ZZEF1: variants seen among roughly 807,000 people sequenced by gnomAD.
ZZEF1 encodes the protein zinc finger ZZ-type and EF-hand domain containing 1, also known as zinc finger ZZ-type and EF-hand domain-containing protein 1.
Under a neutral mutation model 342.8 loss-of-function variants are expected in ZZEF1, and 157 were observed. That is an observed-to-expected ratio of 0.46 (90% CI 0.40 to 0.52). The LOEUF (loss-of-function observed/expected upper bound fraction) is 0.52, where lower values mean the gene tolerates loss of function less well. Ranked by LOEUF, ZZEF1 falls within the 20% of genes least tolerant of loss-of-function variation. The pLI is 0.00. For synonymous variants in ZZEF1, 1,505 were observed against 1,429.1 expected (o/e 1.05, Z -1.20); for missense variants, 3,480 against 3,725.6 (o/e 0.93, Z 1.72).
chr17:4,064,372 G>C lies in ZZEF1; in HGVS notation c.4707C>G (p.Leu1569=), dbSNP rs896102676. The part of the protein sequence containing the change: ...DVMDFIKDQS[L]SHRSVVKVLS... ...AACAACGGGCTTACCTCCTGTGCGAGAGCGACTGATCCTTAATGAAGTCCA... is the reference window on the plus strand; with the variant it reads ...AACAACGGGCTTACCTCCTGTGCGACAGCGACTGATCCTTAATGAAGTCCA... Residue 1569 remains leucine, a synonymous_variant, in exon 29 of 55, where the codon CTC becomes CTG. Coordinates refer to ENST00000381638, the MANE Select transcript of ZZEF1 (RefSeq NM_015113.4). 1.3e-6 allele frequency: 2 copies of C among 1,587,932 alleles called. No homozygotes were observed. Among genetic ancestry groups the C allele is most frequent in the African/African-American group, 2.7e-5 (2 of 74,568 alleles).
In ZZEF1 at chr17:4,104,777, G is replaced by A; in HGVS notation, c.1429C>T (p.Leu477=). 1 of 1,614,094 alleles carries A rather than the reference G, an allele frequency of 6.2e-7. No homozygotes were observed. Among genetic ancestry groups the A allele is most frequent in the Non-Finnish European group, 8.5e-7 (1 of 1,179,982 alleles). The change falls in exon 8 of 55, where the codon CTG becomes TTG. Residue 477 remains leucine (L), a synonymous_variant. Transcript: ENST00000381638. ...CTTCCTCTTGCGAGAGCAAAAGCCA[G>A]AAGAGTCAGTTCTACCTCTGGGGTA... The part of the protein sequence containing the change: ...CSTPEVELTL[L]AFALARGSVA...
chr17:4,114,014 C>G (rs1210123685), intron 4 of ZZEF1, among the ~76,000 whole-genome samples: 1 of 151,924 alleles, frequency 6.6e-6, no homozygotes, highest in African/African-American at 2.4e-5. Flanking sequence ...AAAATACAGT[C>G]ACATGTAAGT....
At chr17:4,062,983 C>G in intron 29 of ZZEF1, 66 bp from the exon 30 acceptor site, 1 of 1,506,720 alleles carries the variant, frequency 6.6e-7, no homozygotes, top group African/African-American at 1.4e-5. Flanking sequence ...GGAAAATATC[C>G]CCGCCAAAGC....
At chr17:4,010,304 T>C (rs936988463) in intron 52 of ZZEF1, among the ~76,000 whole-genome samples, 2 of 151,374 alleles carry the variant, frequency 1.3e-5, no homozygotes, top group African/African-American at 4.9e-5. Context: ...CAGTGAGCCA[T>C]GAGTGCACCA....
chr17:4,025,194 G>C, intron 42 of ZZEF1, 76 bp from the exon 43 acceptor site: 1 of 1,379,196 alleles, frequency 7.3e-7, no homozygotes, highest in Non-Finnish European at 1.0e-6. Context: ...TTCTTCTATA[G>C]TAACATGCCT....
chr17:4,078,209 C>A (rs981791285), intron 18 of ZZEF1, among the ~76,000 whole-genome samples, 167 bp from the exon 19 acceptor site: 5 of 152,192 alleles, frequency 3.3e-5, no homozygotes, highest in African/African-American at 1.2e-4. Flanking sequence ...GATGGTATTA[C>A]GAAAACTCCC....
intron 39 of ZZEF1, among the ~76,000 whole-genome samples, chr17:4,042,203 T>C (rs1031800791): frequency 2.0e-5 from 3 of 151,848 alleles, no homozygotes; most frequent in African/African-American, 7.3e-5. Context: ...AATAAAAAGG[T>C]AGAAAAAAAT....
Position 4,032,994 on chromosome 17 carries a change from C to T in ZZEF1, c.6593G>A (p.Gly2198Asp). Residue 2198 changes from glycine to aspartate, a missense_variant, in exon 41 of 55, where the codon GGC (glycine) becomes GAC (aspartate). By Grantham distance (94) the Gly-to-Asp change is moderately conservative. Around this residue, in one of 5 missense-constraint regions of ZZEF1, gnomAD observed 1,269 missense variants for 1,342.4 expected, o/e 0.95. Transcript: ENST00000381638. ...TGCCATGGAGCACGCCCAGTCCAAG[C>T]CCACCCGGCTGGAAGGCAAGAGCTC... is the stretch of plus-strand genomic sequence containing the variant. ...LGAVCLDSRV[G>D]LDWACSMAEI... 6.4e-7 allele frequency: 1 copy of T among 1,571,364 alleles called. No individual in the cohort carries two copies. The highest frequency in any genetic ancestry group is 2.3e-5 in the East Asian group (1 of 42,568).
rs375335908 is a variant in ZZEF1, at chr17:4,096,594, T to C, written c.1764+15A>G. ...AAGTAGTAACATTGCTTAAAGAAGG[T>C]AGCACGAAAATTACCATAATTCTTA... On this transcript the variant is annotated intron_variant, in intron 10 of 54. Coordinates refer to ENST00000381638, the MANE Select transcript of ZZEF1 (RefSeq NM_015113.4). 1.1e-5 allele frequency: 17 copies of C among 1,609,822 alleles called. No individual in the cohort carries two copies. Among genetic ancestry groups the C allele is most frequent in the Non-Finnish European group, 1.4e-5 (17 of 1,176,876 alleles).
chr17:4,134,529 C>G (rs549679248), intron 1 of ZZEF1, among the ~76,000 whole-genome samples: 1 of 151,804 alleles, frequency 6.6e-6, no homozygotes, highest in Non-Finnish European at 1.5e-5. Context: ...AATTACGATA[C>G]GAGAACTAAG....
At chr17:4,031,855 G>A (rs139735032) in intron 42 of ZZEF1, among the ~76,000 whole-genome samples, 9 of 152,174 alleles carry the variant, frequency 5.9e-5, no homozygotes, top group African/African-American at 2.2e-4. Context: ...CCAGCAAATG[G>A]AGAAATTAAA....
rs752749929 is a variant in ZZEF1, at chr17:4,075,422, A to C, written c.3242T>G (p.Val1081Gly). ...GPEGGLRKLDVETWQQEQPVV... is the reference protein window; with the variant it reads ...GPEGGLRKLDGETWQQEQPVV... The stretch of plus-strand genomic sequence containing the variant: ...AGGCTGTTCCTGTTGCCAGGTCTCA[A>C]CATCCAGCTATGATAACAAATGAGC... Residue 1081 changes from valine to glycine, a missense_variant, in exon 22 of 55, where the codon GTT (valine) becomes GGT (glycine). By Grantham distance (109) the Val-to-Gly change is moderately radical. This residue lies in a region of ZZEF1 where 1,528 missense variants were observed against 1,624.1 expected (regional missense o/e 0.94). Transcript: ENST00000381638. 40 of 1,613,672 alleles carry C rather than the reference A, an allele frequency of 2.5e-5. No homozygotes were observed. Among genetic ancestry groups the C allele is most frequent in the Middle Eastern group, 3.3e-4 (2 of 6,078 alleles).
chr17:4,039,872 CT>C (rs2056765170), intron 39 of ZZEF1, among the ~76,000 whole-genome samples: 2 of 152,138 alleles, frequency 1.3e-5, no homozygotes, highest in East Asian at 1.9e-4. Context: ...TCTCGATCTC[CT>C]GACCTCATGA....
In ZZEF1 at chr17:4,051,012, G is replaced by A. The variant is rs1213114223; in HGVS notation, c.5632C>T (p.Pro1878Ser). 1 of 1,614,184 alleles carries A rather than the reference G, an allele frequency of 6.2e-7. No homozygotes were observed. Among genetic ancestry groups the A allele is most frequent in the Non-Finnish European group, 8.5e-7 (1 of 1,180,046 alleles). Residue 1878 changes from proline to serine, a missense_variant, in exon 36 of 55, where the codon CCA becomes TCA. By Grantham distance (74) the Pro-to-Ser change is moderately conservative. Around this residue, in one of 5 missense-constraint regions of ZZEF1, gnomAD observed 175 missense variants for 254.6 expected, o/e 0.69. Transcript: ENST00000381638. ...TCACTGATCCGAATGGTTACCATTGGGTGGGCCGTGATGCTGTGGGTAGGC... is the reference window on the plus strand; with the variant it reads ...TCACTGATCCGAATGGTTACCATTGAGTGGGCCGTGATGCTGTGGGTAGGC... ...HLPTHSITAH[P>S]MVTIRISDRQ...
At chr17:4,046,655 G>T (rs2056920801) in intron 37 of ZZEF1, among the ~76,000 whole-genome samples, 1 of 152,154 alleles carries the variant, frequency 6.6e-6, no homozygotes, top group African/African-American at 2.4e-5. Flanking sequence ...AATGAAACTG[G>T]GAGAGCTACT....
chr17:4,113,438 C>A (rs984812009), intron 4 of ZZEF1, among the ~76,000 whole-genome samples: 19 of 152,060 alleles, frequency 1.2e-4, no homozygotes, highest in Non-Finnish European at 1.5e-5. Context: ...GCCTGTAATC[C>A]CAGCACTTTG....
At chr17:4,100,093 C>A (rs2058102263) in intron 9 of ZZEF1, among the ~76,000 whole-genome samples, 1 of 152,146 alleles carries the variant, frequency 6.6e-6, no homozygotes, top group Non-Finnish European at 1.5e-5. Flanking sequence ...ATTCTGTGGG[C>A]CCTGCAGTGG....
At chr17:4,132,860 G>A (rs529439229) in intron 1 of ZZEF1, among the ~76,000 whole-genome samples, 1 of 152,068 alleles carries the variant, frequency 6.6e-6, no homozygotes, top group Non-Finnish European at 1.5e-5. Context: ...CAGCTACTCG[G>A]GAGACTGAGG....
intron 1 of ZZEF1, among the ~76,000 whole-genome samples, chr17:4,133,149 C>A (rs2058696285): frequency 6.6e-6 from 1 of 152,118 alleles, no homozygotes; most frequent in African/African-American, 2.4e-5. Flanking sequence ...GAGATTAGCA[C>A]AGCTATCATT....
Sources: allele counts gnomAD v4.1 joint callset (sites outside exome capture counted in the v4.1 genomes callset), GRCh38; gene constraint gnomAD v4.1.1; regional missense constraint gnomAD v4.1.1; transcripts MANE v1.5; gene names NCBI Gene and HGNC (gene_info 2026-07-23, HGNC 2026-07-21).